Variants in VCL observed in about 807,000 individuals in gnomAD.
VCL encodes epididymis luminal protein 114.
Under a neutral mutation model 125.7 loss-of-function variants are expected in VCL, and 47 were observed. The observed-to-expected ratio is 0.37, with a 90% CI of 0.30 to 0.48. The LOEUF (loss-of-function observed/expected upper bound fraction) is 0.48. Among genes scored for constraint, VCL ranks in the 20% least tolerant of loss-of-function variants. The pLI is 0.99. For missense variants in VCL, 1,069 were observed against 1,455.5 expected (o/e 0.73, Z 4.32); for synonymous variants, 458 against 514.6 (o/e 0.89, Z 1.49).
At chr10:74,009,937 T>C (rs2136226188) in intron 1 of VCL, among the ~76,000 whole-genome samples, 1 of 151,470 alleles carries the variant, frequency 6.6e-6, no homozygotes, top group East Asian at 2.0e-4. Flanking sequence ...TTTTCTTTAC[T>C]TTTTTGAGAT....
At position 74,097,300 on chromosome 10, in the gene VCL, A is replaced by T. The variant is rs142695754; in HGVS notation, c.1840A>T (p.Thr614Ser). The T allele has an allele frequency of 7.4e-6, 12 of 1,613,882 alleles. No individual in the cohort carries two copies. The highest frequency in any genetic ancestry group is 1.0e-5 in the Non-Finnish European group (12 of 1,179,966). Reference protein sequence around the residue: ...TPIKLLAVAATAPPDAPNREE... With the variant: ...TPIKLLAVAASAPPDAPNREE... Reference sequence around the variant, plus strand: ...CATCAAGCTGTTGGCAGTGGCAGCCACGGCGCCTCCTGATGCGCCTAACAG... The same window carrying T: ...CATCAAGCTGTTGGCAGTGGCAGCCTCGGCGCCTCCTGATGCGCCTAACAG... The change falls in exon 13 of 22, where the codon ACG (threonine) becomes TCG (serine). Residue 614 changes from threonine (T) to serine (S), a missense_variant. By Grantham distance (58) the Thr-to-Ser change is moderately conservative (BLOSUM62 1). Around this residue, in one of 6 missense-constraint regions of VCL, gnomAD observed 760 missense variants for 928.9 expected, o/e 0.82. Transcript: ENST00000211998. This position sits in a 1 kb window ranked among gnomAD's most constrained non-coding sequence, Gnocchi z 4.1.
intron 1 of VCL, among the ~76,000 whole-genome samples, chr10:73,999,233 G>A (rs1470780138): frequency 4.6e-5 from 7 of 152,218 alleles, no homozygotes; most frequent in Non-Finnish European, 1.0e-4. Flanking sequence ...AGATGGAGCT[G>A]TTGGGAGAGG....
chr10:74,057,570 G>A (rs1451052847), intron 2 of VCL, among the ~76,000 whole-genome samples: 3 of 152,048 alleles, frequency 2.0e-5, no homozygotes, highest in Non-Finnish European at 2.9e-5. Flanking sequence ...ATTATGAAGG[G>A]TCTGGACTTT....
intron 2 of VCL, among the ~76,000 whole-genome samples, chr10:74,060,691 A>G (rs1320904970): frequency 6.6e-6 from 1 of 151,816 alleles, no homozygotes; most frequent in Non-Finnish European, 1.5e-5. Flanking sequence ...AAAAGAAGAA[A>G]AAAGACTTGT....
intron 2 of VCL, among the ~76,000 whole-genome samples, chr10:74,057,668 C>A (rs954277106): frequency 2.6e-5 from 4 of 152,082 alleles, no homozygotes; most frequent in Non-Finnish European, 4.4e-5. Flanking sequence ...TGTGGTGGCT[C>A]ACGTTGTAAT....
At chr10:74,117,994 G>A in intron 21 of VCL, 29 bp from the exon 22 acceptor site, 1 of 1,613,222 alleles carries the variant, frequency 6.2e-7, no homozygotes, top group Non-Finnish European at 8.5e-7. Context: ...AGGGACCCTG[G>A]GTAACGGAAA....
intron 1 of VCL, among the ~76,000 whole-genome samples, chr10:74,036,122 G>A: frequency 6.6e-6 from 1 of 152,116 alleles, no homozygotes; most frequent in East Asian, 1.9e-4. Flanking sequence ...TACTCCAAAA[G>A]GGTTGTTTTT....
At chr10:74,045,630 A>G (rs1004206867) in intron 2 of VCL, among the ~76,000 whole-genome samples, 1 of 151,612 alleles carries the variant, frequency 6.6e-6, no homozygotes, top group Non-Finnish European at 1.5e-5. Flanking sequence ...CTCAAAAAAA[A>G]AAAAAAAAAA....
chr10:74,105,096 C>T lies in VCL; in HGVS notation c.2177C>T (p.Ser726Leu). The T allele has an allele frequency of 6.2e-7, 1 of 1,614,134 alleles. No individual in the cohort carries two copies. The highest frequency in any genetic ancestry group is 8.5e-7 in the Non-Finnish European group (1 of 1,180,028). ...AIDTKSLLDASEEAIKKDLDK... is the reference protein window; with the variant it reads ...AIDTKSLLDALEEAIKKDLDK... ...GATACCAAATCTCTGTTGGATGCTTCAGAAGAAGCAATTAAAAAAGACCTG... is the reference window on the plus strand; with the variant it reads ...GATACCAAATCTCTGTTGGATGCTTTAGAAGAAGCAATTAAAAAAGACCTG... The change falls in exon 16 of 22, where the codon TCA becomes TTA. Residue 726 changes from serine to leucine, a missense_variant. Physicochemically the swap from Ser to Leu is moderately radical, Grantham distance 145 (BLOSUM62 -2). Around this residue, in one of 6 missense-constraint regions of VCL, gnomAD observed 760 missense variants for 928.9 expected, o/e 0.82. Coordinates refer to ENST00000211998, the MANE Select transcript of VCL (RefSeq NM_014000.3).
Position 74,112,129 on chromosome 10 carries a change from C to T in VCL, c.2949+17C>T. 1 of 1,614,044 alleles carries T rather than the reference C, an allele frequency of 6.2e-7. No individual in the cohort carries two copies. The highest frequency in any genetic ancestry group is 1.6e-4 in the Middle Eastern group (1 of 6,062). On this transcript the variant is annotated intron_variant, in intron 19 of 21. Transcript: ENST00000211998. ...TCTAGTAAGGTACTGATAAGCACCC[C>T]CAGTTGGGGGCTGCTCCATATGCAT...
chr10:74,111,231 A>C (rs1591717593), intron 18 of VCL, among the ~76,000 whole-genome samples: 1 of 152,166 alleles, frequency 6.6e-6, no homozygotes, highest in African/African-American at 2.4e-5. Context: ...GGCTCCTTAC[A>C]GCTGGGTGAC....
At position 74,088,985 on chromosome 10, in the gene VCL, C is replaced by T. The variant is rs1008791481; in HGVS notation, c.1023-211C>T. ...GGTCTTCAAAGTGGTTATGCAGTTC[C>T]GTGAAGCTAATGTGCATTTTTAAAA... On this transcript the variant is annotated intron_variant, in intron 8 of 21. Transcript: ENST00000211998. Among the ~76,000 whole-genome samples, 4 of 152,140 alleles carry T rather than the reference C, an allele frequency of 2.6e-5. No individual in the cohort carries two copies. In the East Asian group the frequency reaches 5.8e-4, roughly 22 times the overall value.
intron 1 of VCL, among the ~76,000 whole-genome samples, chr10:74,021,081 G>A (rs916090168): frequency 1.3e-5 from 2 of 151,994 alleles, no homozygotes; most frequent in African/African-American, 4.8e-5. Flanking sequence ...CCATCTTTTC[G>A]TTATTGTTTG....
chr10:74,017,963 A>G (rs1344654254), intron 1 of VCL, among the ~76,000 whole-genome samples: 1 of 151,136 alleles, frequency 6.6e-6, no homozygotes, highest in African/African-American at 2.4e-5. Flanking sequence ...GTCCGAGACC[A>G]GCCTGGGCAA....
At chr10:74,072,666 T>C in intron 4 of VCL, 64 bp from the exon 5 acceptor site, 2 of 1,612,638 alleles carry the variant, frequency 1.2e-6, no homozygotes, top group Non-Finnish European at 1.7e-6. Context: ...GGATTTAGAC[T>C]GAGAAAGCCA....
At chr10:74,042,247 T>G (rs1452313636) in intron 1 of VCL, among the ~76,000 whole-genome samples, 2 of 152,234 alleles carry the variant, frequency 1.3e-5, no homozygotes, top group Non-Finnish European at 2.9e-5. Flanking sequence ...ACGATATATC[T>G]TAATTTACTT....
At chr10:74,100,900 A>G (rs779360161) in intron 13 of VCL, 48 bp from the exon 14 acceptor site, 32 of 1,610,890 alleles carry the variant, frequency 2.0e-5, no homozygotes, top group Non-Finnish European at 2.6e-5. Context: ...AGGCTGCCTG[A>G]CCCATTTTAT....
intron 2 of VCL, among the ~76,000 whole-genome samples, chr10:74,069,043 T>G (rs1030663328): frequency 2.9e-4 from 42 of 145,942 alleles, no homozygotes; most frequent in Admixed American, 1.4e-3. Context: ...CTGCCTTATG[T>G]TTTTTTTTTT....
intron 10 of VCL, among the ~76,000 whole-genome samples, chr10:74,093,035 G>A (rs543545198): frequency 2.0e-5 from 3 of 152,106 alleles, no homozygotes; most frequent in Non-Finnish European, 4.4e-5. Flanking sequence ...GGTGGCTCAC[G>A]CCTGTAATCC....
Sources: gnomAD v4.1 joint callset for allele counts (sites outside exome capture counted in the v4.1 genomes callset) on GRCh38, gnomAD v4.1.1 for gene constraint, gnomAD v4.1.1 regional missense constraint, Gnocchi (gnomAD v3.1) non-coding constraint, MANE v1.5 for transcripts, NCBI Gene and HGNC (gene_info 2026-07-23, HGNC 2026-07-21) for gene names.